CC2D2A: variants seen among roughly 807,000 people sequenced by gnomAD.
CC2D2A encodes the protein coiled-coil and C2 domain-containing protein 2A.
Under a neutral mutation model 212.9 loss-of-function variants are expected in CC2D2A, and 155 were observed. That is an observed-to-expected ratio of 0.73 (90% CI 0.64 to 0.83). The LOEUF (loss-of-function observed/expected upper bound fraction) is 0.83, where lower values mean the gene tolerates loss of function less well. Among genes scored for constraint, CC2D2A ranks in the 40% least tolerant of loss-of-function variants. The pLI, the probability that CC2D2A is intolerant of heterozygous loss-of-function variation, is 0.00. For missense variants in CC2D2A, 1,856 were observed against 1,956.2 expected, an observed-to-expected ratio of 0.95 and a Z score of 0.97; for synonymous variants, 667 against 686.5, an observed-to-expected ratio of 0.97 and a Z score of 0.44.
chr4:15,579,878 T>C (rs900365782), intron 29 of CC2D2A, 90 bp from the exon 30 acceptor site: 1 of 1,010,630 alleles, frequency 9.9e-7, no homozygotes, highest in Non-Finnish European at 1.5e-6. Flanking sequence ...TCCCAAACCA[T>C]ACATTTCCTG....
intron 16 of CC2D2A, among the ~76,000 whole-genome samples, chr4:15,538,769 TTCA>T (rs1190233827): frequency 2.6e-5 from 4 of 152,370 alleles, no homozygotes; most frequent in Non-Finnish European, 5.9e-5. Context: ...CATTTGTAAG[TTCA>T]TCTTTTTAAA....
In CC2D2A at chr4:15,571,093, A is replaced by T. The variant is rs71601482; in HGVS notation, c.3594+597A>T. ...GACTGTTCAAATCTGATAATTTTTTAAATATTAAATAAAGGTAAAGAATAA... is the reference window on the plus strand; with the variant it reads ...GACTGTTCAAATCTGATAATTTTTTTAATATTAAATAAAGGTAAAGAATAA... On this transcript the variant is annotated intron_variant, in intron 28 of 36. Transcript: ENST00000424120. Among the ~76,000 whole-genome samples the T allele has an allele frequency of 5.4e-3, 828 of 152,320 alleles. 11 individuals are homozygous for T. Among genetic ancestry groups the T allele is most frequent in the Non-Finnish European group, 8.3e-3 (566 of 68,028 alleles).
chr4:15,548,121 A>AT (rs145117895), intron 17 of CC2D2A, among the ~76,000 whole-genome samples: 43,568 of 146,266 alleles, frequency 0.3, 6,420 homozygotes, highest in East Asian at 0.46. Flanking sequence ...GAAATTCTGG[A>AT]TTTTTTTTTT....
intron 35 of CC2D2A, 103 bp downstream of exon 35, chr4:15,597,568 CTTAACT>C: frequency 4.5e-6 from 4 of 887,840 alleles, no homozygotes; most frequent in Admixed American, 4.5e-5. Context: ...ATTTAGGCAA[CTTAACT>C]TTAATTCATG....
At chr4:15,531,731 G>C (rs1717858137) in intron 13 of CC2D2A, among the ~76,000 whole-genome samples, 1 of 151,862 alleles carries the variant, frequency 6.6e-6, no homozygotes, top group Non-Finnish European at 1.5e-5. Context: ...AATTTTTCTT[G>C]CTAAGAGCTC....
chr4:15,507,904 C>T (rs1716352924), intron 6 of CC2D2A, among the ~76,000 whole-genome samples: 2 of 152,132 alleles, frequency 1.3e-5, no homozygotes, highest in South Asian at 4.1e-4. Context: ...AGGAGAGGGA[C>T]CAAAGGTCAC....
In CC2D2A at chr4:15,597,474, A is replaced by G. The variant is rs1413248634; in HGVS notation, c.4496+9A>G. On this transcript the variant is annotated intron_variant, in intron 35 of 36. Transcript: ENST00000424120. ...GCTGAGCTACAAGACAGGTAACATA[A>G]CATCCATAAATCCACATGTAATCTG... 2 of 1,549,996 alleles carry G rather than the reference A, an allele frequency of 1.3e-6. No homozygotes were observed. Among genetic ancestry groups the G allele is most frequent in the South Asian group, 2.4e-5 (2 of 84,084 alleles).
intron 11 of CC2D2A, among the ~76,000 whole-genome samples, chr4:15,520,353 G>A (rs1023278649): frequency 5.9e-5 from 9 of 152,120 alleles, no homozygotes; most frequent in South Asian, 2.1e-4. Flanking sequence ...GGAATTTATC[G>A]TCTATTTGGT....
At chr4:15,550,358 A>C (rs1718933832) in intron 17 of CC2D2A, among the ~76,000 whole-genome samples, 1 of 152,190 alleles carries the variant, frequency 6.6e-6, no homozygotes, top group Non-Finnish European at 1.5e-5. Flanking sequence ...CTAAAAATGT[A>C]ACACTCTGGA....
intron 7 of CC2D2A, 119 bp downstream of exon 7, chr4:15,510,359 G>A: frequency 1.3e-6 from 1 of 772,288 alleles, no homozygotes; most frequent in Non-Finnish European, 2.2e-6. Context: ...GCTTTGGGAG[G>A]CCAAGACAGG....
chr4:15,600,117 T>C (rs1721519847), intron 36 of CC2D2A, among the ~76,000 whole-genome samples: 1 of 152,216 alleles, frequency 6.6e-6, no homozygotes, highest in African/African-American at 2.4e-5. Flanking sequence ...CCTGCTGCTA[T>C]GTTCACATGC....
At chr4:15,488,782 C>T (rs1283350906) in intron 4 of CC2D2A, among the ~76,000 whole-genome samples, 1 of 152,238 alleles carries the variant, frequency 6.6e-6, no homozygotes, top group Non-Finnish European at 1.5e-5. Context: ...ATCAGCACCC[C>T]TAACCTATGG....
At position 15,601,325 on chromosome 4, in the gene CC2D2A, T is replaced by C. The variant is rs572716623; in HGVS notation, c.4763T>C (p.Val1588Ala). The C allele has an allele frequency of 6.6e-5, 107 of 1,610,966 alleles. No individual in the cohort carries two copies. The South Asian group carries it at 1.1e-3, about 17-fold the overall frequency. ...VYSTGVHNID[V>A]PNVEFALAVY... is the part of the protein sequence containing the mutation. ...AGTACTGGAGTACATAATATTGATG[T>C]TCCTAATGTTGAATTTGCTTTAGCT... The change falls in exon 37 of 37, where the codon GTT (valine) becomes GCT (alanine). Residue 1588 changes from valine (V) to alanine (A), a missense_variant. By Grantham distance (64) the Val-to-Ala change is moderately conservative (BLOSUM62 0). This residue lies in a region of CC2D2A where 285 missense variants were observed against 278.4 expected (regional missense o/e 1.02). Transcript: ENST00000424120.
Position 15,502,917 on chromosome 4 carries a change from C to T in CC2D2A, c.432C>T (p.Gly144=), listed in dbSNP as rs1317820890. ...PSKKELETEF[G]TEPGKEVERT... Reference sequence around the variant, plus strand: ...AGAAAGAATTGGAGACTGAATTTGGCACAGAGGTGAGAAATACCCTCTCTA... The same window carrying T: ...AGAAAGAATTGGAGACTGAATTTGGTACAGAGGTGAGAAATACCCTCTCTA... The change falls in exon 6 of 37, where the codon GGC becomes GGT. Residue 144 remains glycine, a synonymous_variant. Coordinates refer to ENST00000424120, the MANE Select transcript of CC2D2A (RefSeq NM_001378615.1). The T allele has an allele frequency of 1.2e-6, 2 of 1,605,742 alleles. No individual in the cohort carries two copies. Among genetic ancestry groups the T allele is most frequent in the African/African-American group, 2.7e-5 (2 of 74,670 alleles).
intron 11 of CC2D2A, among the ~76,000 whole-genome samples, chr4:15,524,562 T>C (rs1051723743): frequency 6.6e-6 from 1 of 150,380 alleles, no homozygotes; most frequent in African/African-American, 2.4e-5. Context: ...GCCATTCTCC[T>C]GCCTCAGCCT....
At chr4:15,555,276 A>G (rs1719220258) in intron 20 of CC2D2A, 66 bp downstream of exon 20, 4 of 1,559,284 alleles carry the variant, frequency 2.6e-6, no homozygotes, top group East Asian at 4.5e-5. Context: ...CCTTTACACT[A>G]TCTTCTCCTA....
chr4:15,589,718 C>A, intron 33 of CC2D2A, 39 bp downstream of exon 33: 1 of 1,380,190 alleles, frequency 7.2e-7, no homozygotes, highest in South Asian at 2.2e-5. Flanking sequence ...GGTTAGCTGT[C>A]GTTTCTTTTA....
chr4:15,479,144 A>G, intron 3 of CC2D2A: 1 of 987,404 alleles, frequency 1.0e-6, no homozygotes, highest in Non-Finnish European at 1.6e-6. Flanking sequence ...GATGGGCAGT[A>G]GATGGCAGTA....
intron 28 of CC2D2A, among the ~76,000 whole-genome samples, chr4:15,572,032 C>T (rs1254892704): frequency 1.3e-5 from 2 of 152,208 alleles, no homozygotes; most frequent in Non-Finnish European, 2.9e-5. Flanking sequence ...GTGCCATAAT[C>T]TATATACTTC....
Sources: gnomAD v4.1 joint callset for allele counts (sites outside exome capture counted in the v4.1 genomes callset) on GRCh38, gnomAD v4.1.1 for gene constraint, gnomAD v4.1.1 regional missense constraint, MANE v1.5 for transcripts, NCBI Gene and HGNC (gene_info 2026-07-23, HGNC 2026-07-21) for gene names.